The following PRP4K variants were observed in gnomAD, a reference collection of about 807,000 sequenced individuals.
The protein encoded by PRP4K is pre-mRNA processing factor kinase PRP4K.
At chr6:4,045,702 A>G in the PRP4K span, among the ~76,000 whole-genome samples, 1 of 152,238 alleles carries the variant, frequency 6.6e-6, no homozygotes, top group African/African-American at 2.4e-5. Flanking sequence ...AGATATCAGT[A>G]TGATTATCAT....
chr6:4,053,192 T>C, the PRP4K span, among the ~76,000 whole-genome samples: 3 of 152,300 alleles, frequency 2.0e-5, no homozygotes, highest in East Asian at 5.8e-4. Context: ...ATGCTGCACA[T>C]GTTGCTGTTT....
At chr6:4,054,224 G>A in the PRP4K span, among the ~76,000 whole-genome samples, 3 of 152,188 alleles carry the variant, frequency 2.0e-5, no homozygotes, top group Admixed American at 6.5e-5. Flanking sequence ...TTAAAAAATG[G>A]TGATCTCATT....
the PRP4K span, among the ~76,000 whole-genome samples, chr6:4,035,723 T>A: frequency 2.0e-4 from 31 of 152,052 alleles, no homozygotes; most frequent in African/African-American, 7.2e-4. Flanking sequence ...TTCCAGCACT[T>A]TGGGGAGGCT....
the PRP4K span, chr6:4,048,892 TATTTA>T: frequency 2.5e-5 from 15 of 591,704 alleles, no homozygotes; most frequent in African/African-American, 5.8e-5. Context: ...AGTAAGAATT[TATTTA>T]ATTTGGAATA....
the PRP4K span, among the ~76,000 whole-genome samples, chr6:4,055,602 C>T: frequency 6.6e-6 from 1 of 152,182 alleles, no homozygotes. Flanking sequence ...TAATCCTGAA[C>T]ATGCCTCTGA....
chr6:4,048,976 A>AC, the PRP4K span: 1 of 1,465,470 alleles, frequency 6.8e-7, no homozygotes. Context: ...TAAATGTCTG[A>AC]CAAGTGGGTA....
chr6:4,022,477 T>TG, the PRP4K span, among the ~76,000 whole-genome samples: 13 of 70,268 alleles, frequency 1.9e-4, no homozygotes, highest in East Asian at 2.3e-3. Flanking sequence ...TTTTGTTTTT[T>TG]GTTTTTTTTT....
the PRP4K span, among the ~76,000 whole-genome samples, chr6:4,028,796 G>C: frequency 6.6e-6 from 1 of 151,924 alleles, no homozygotes; most frequent in Non-Finnish European, 1.5e-5. Flanking sequence ...CCTCATTGTT[G>C]TCAACTAATT....
At chr6:4,033,368 T>A in the PRP4K span, among the ~76,000 whole-genome samples, 1 of 152,170 alleles carries the variant, frequency 6.6e-6, no homozygotes, top group Non-Finnish European at 1.5e-5. Flanking sequence ...ACTATTTGAA[T>A]AATATATTGT....
At chr6:4,037,356 T>C in the PRP4K span, 1 of 1,478,334 alleles carries the variant, frequency 6.8e-7, no homozygotes, top group Non-Finnish European at 9.1e-7. Flanking sequence ...ATCATTTACT[T>C]TGATTTATAT....
chr6:4,027,311 A>G, the PRP4K span, among the ~76,000 whole-genome samples: 1 of 152,088 alleles, frequency 6.6e-6, no homozygotes, highest in African/African-American at 2.4e-5. Context: ...CTTTTATACT[A>G]TGAACTCATT....
chr6:4,062,267 T>G, the PRP4K span: 1 of 152,656 alleles, frequency 6.6e-6, no homozygotes. This position sits in a 1 kb window ranked among gnomAD's most constrained non-coding sequence, Gnocchi z 4.2. Flanking sequence ...GGGGTCTGAT[T>G]TGCTGAGACA....
At chr6:4,045,488 T>C in the PRP4K span, among the ~76,000 whole-genome samples, 7 of 152,244 alleles carry the variant, frequency 4.6e-5, no homozygotes, top group Non-Finnish European at 7.3e-5. Flanking sequence ...TACTAGTGTC[T>C]GTAATTTCTG....
the PRP4K span, among the ~76,000 whole-genome samples, chr6:4,044,697 T>C: frequency 6.6e-6 from 1 of 152,102 alleles, no homozygotes; most frequent in African/African-American, 2.4e-5. Context: ...TATAGCTTTC[T>C]TACTTTCTAG....
chr6:4,029,033 T>TTTTTTTTTTTTTA, the PRP4K span, among the ~76,000 whole-genome samples: 4 of 136,726 alleles, frequency 2.9e-5, no homozygotes, highest in Non-Finnish European at 6.2e-5. Flanking sequence ...TTTTTTTTTT[T>TTTTTTTTTTTTTA]AATGAGATGG....
the PRP4K span, among the ~76,000 whole-genome samples, chr6:4,041,720 C>T: frequency 4.6e-5 from 7 of 152,056 alleles, no homozygotes; most frequent in Non-Finnish European, 4.4e-5. Flanking sequence ...ATACTGCATT[C>T]TACAATGCAC....
At chr6:4,047,161 T>C in the PRP4K span, 2 of 1,589,672 alleles carry the variant, frequency 1.3e-6, no homozygotes, top group East Asian at 2.2e-5. Flanking sequence ...ACATTAATGC[T>C]AATTTCCTTT....
the PRP4K span, among the ~76,000 whole-genome samples, chr6:4,056,075 A>C: frequency 7.3e-5 from 11 of 151,024 alleles, no homozygotes; most frequent in South Asian, 2.3e-3. Flanking sequence ...GTTAAAATTA[A>C]ATGTACTTTG....
chr6:4,057,411 A>C, the PRP4K span, among the ~76,000 whole-genome samples: 1 of 152,232 alleles, frequency 6.6e-6, no homozygotes, highest in African/African-American at 2.4e-5. Context: ...ATGGACAGAG[A>C]GCAGCAATAT....
Sources: gnomAD v4.1 joint callset for allele counts (sites outside exome capture counted in the v4.1 genomes callset) on GRCh38, gnomAD v4.1.1 for gene constraint, Gnocchi (gnomAD v3.1) non-coding constraint, MANE v1.5 for transcripts, NCBI Gene and HGNC (gene_info 2026-07-23, HGNC 2026-07-21) for gene names.